The following LRP6 variants were observed in gnomAD, a reference collection of about 807,000 sequenced individuals.
The protein encoded by LRP6 is low-density lipoprotein receptor-related protein 6.
In LRP6, 43 loss-of-function variants were observed where a neutral mutation model predicts 184.1. The ratio of observed to expected loss-of-function variants is 0.23; its 90% CI spans 0.18 to 0.30. LRP6 has a LOEUF of 0.30. LRP6 is among the 10% of genes least tolerant of loss of function. LRP6 has a pLI of 1.00. For synonymous variants in LRP6, 719 were observed against 684.9 expected (o/e 1.05, Z -0.78); for missense variants, 1,571 against 2,005.3 (o/e 0.78, Z 4.14).
chr12:12,175,434 A>G (rs1222305791), intron 7 of LRP6, among the ~76,000 whole-genome samples: 1 of 151,108 alleles, frequency 6.6e-6, no homozygotes, highest in African/African-American at 2.4e-5. Context: ...TCATGCCTGT[A>G]ATCCCAGGGC....
chr12:12,143,103 T>G (rs917592613), intron 15 of LRP6, among the ~76,000 whole-genome samples: 1 of 152,144 alleles, frequency 6.6e-6, no homozygotes, highest in Non-Finnish European at 1.5e-5. Context: ...AAAAAGAAAT[T>G]GTATTTCCAT....
chr12:12,250,857 A>G (rs1865307946), intron 1 of LRP6, among the ~76,000 whole-genome samples: 1 of 151,758 alleles, frequency 6.6e-6, no homozygotes, highest in African/African-American at 2.4e-5. Context: ...CCTAACTTCA[A>G]ATGATCCACC....
rs1202295076 is a variant in LRP6 at position 12,124,748 on chromosome 12, TA to T, written c.4450-87del. 8.4e-6 allele frequency: 7 copies of T among 830,472 alleles called. No homozygotes were observed. In the African/African-American group the frequency reaches 1.2e-4, roughly 14 times the overall value. The allele number at this position is 830,472 out of a possible 1,614,324, so 51.4% of individuals were successfully genotyped here. On this transcript the variant is annotated intron_variant, in intron 21 of 22. Transcript: ENST00000261349. ...TCAACTTTTCTTCCTTCATCTCTAT[TA>T]GTGTTTCTTTACAATACACTATTAG...
chr12:12,263,467 C>T (rs1022042224), intron 1 of LRP6, among the ~76,000 whole-genome samples: 2 of 150,590 alleles, frequency 1.3e-5, no homozygotes, highest in Admixed American at 6.7e-5. Context: ...AGGAGAAAGG[C>T]GTGAACCCGG....
intron 3 of LRP6, among the ~76,000 whole-genome samples, chr12:12,196,601 T>C (rs1227057197): frequency 6.6e-6 from 1 of 152,120 alleles, no homozygotes; most frequent in African/African-American, 2.4e-5. Context: ...TTTTTTTTTT[T>C]TGGTAGAGCG....
chr12:12,147,028 T>C (rs1720628254), intron 15 of LRP6, among the ~76,000 whole-genome samples: 1 of 152,084 alleles, frequency 6.6e-6, no homozygotes, highest in Non-Finnish European at 1.5e-5. Flanking sequence ...GGCAGGTGCC[T>C]GTAGTCCCAG....
chr12:12,231,187 A>C (rs1429586979), intron 2 of LRP6, among the ~76,000 whole-genome samples: 2 of 147,406 alleles, frequency 1.4e-5, no homozygotes, highest in Admixed American at 6.7e-5. Flanking sequence ...TCTCAAAAAA[A>C]AAAAAAAAAA....
chr12:12,199,366 T>C (rs1311489330), intron 3 of LRP6, among the ~76,000 whole-genome samples: 26 of 152,198 alleles, frequency 1.7e-4, no homozygotes, highest in Non-Finnish European at 2.9e-5. Flanking sequence ...GGCAGGAACT[T>C]TGAAGTGAAA....
chr12:12,125,782 A>G (rs1949664339), intron 20 of LRP6, among the ~76,000 whole-genome samples: 1 of 152,234 alleles, frequency 6.6e-6, no homozygotes, highest in Admixed American at 6.5e-5. Context: ...CATATTAAAT[A>G]CCAGACTTGC....
chr12:12,176,608 G>C (rs374475702), intron 7 of LRP6, among the ~76,000 whole-genome samples: 1 of 152,024 alleles, frequency 6.6e-6, no homozygotes. Flanking sequence ...CCCTAATGTA[G>C]CCAGCATCTG....
intron 9 of LRP6, among the ~76,000 whole-genome samples, chr12:12,163,101 G>A (rs1027088723): frequency 1.6e-4 from 24 of 151,878 alleles, no homozygotes; most frequent in African/African-American, 5.8e-4. Flanking sequence ...TCAGTTTCCC[G>A]AGTAGCTGGG....
At chr12:12,236,166 G>A (rs1236718604) in intron 2 of LRP6, among the ~76,000 whole-genome samples, 2 of 152,104 alleles carry the variant, frequency 1.3e-5, no homozygotes, top group Admixed American at 6.5e-5. Context: ...GGCGGAGCTT[G>A]CAGTGAGCCA....
At chr12:12,244,175 T>G in intron 2 of LRP6, 87 bp downstream of exon 2, 1 of 1,345,614 alleles carries the variant, frequency 7.4e-7, no homozygotes, top group Non-Finnish European at 1.1e-6. Flanking sequence ...CGATCTTTCT[T>G]TTCTCATAGG....
intron 2 of LRP6, chr12:12,210,908 C>T (rs1015766135): frequency 1.3e-5 from 2 of 152,162 alleles, no homozygotes; most frequent in African/African-American, 2.4e-5. Flanking sequence ...GTAGATTAGG[C>T]TTTAAGTGAA....
At chr12:12,219,656 A>G (rs999364896) in intron 2 of LRP6, among the ~76,000 whole-genome samples, 1 of 152,248 alleles carries the variant, frequency 6.6e-6, no homozygotes, top group Non-Finnish European at 1.5e-5. Context: ...TTTCATGGAT[A>G]TATGGCACTG....
At position 12,159,119 on chromosome 12, in the gene LRP6, T is replaced by A; in HGVS notation, c.2501A>T (p.His834Leu). ...TTGGTACTGAGTTAAGCCAAAAGGA[T>A]GAGGCAAGTCATCTGCTATAACTTC... ...NREVIADDLP[H>L]PFGLTQYQDY... The change falls in exon 12 of 23, where the codon CAT becomes CTT. Residue 834 changes from histidine (H) to leucine (L), a missense_variant. By Grantham distance (99) the His-to-Leu change is moderately conservative (BLOSUM62 -3). Coordinates refer to ENST00000261349, the MANE Select transcript of LRP6 (RefSeq NM_002336.3). The A allele has an allele frequency of 6.2e-7, 1 of 1,614,048 alleles. No individual in the cohort carries two copies. Among genetic ancestry groups the A allele is most frequent in the Non-Finnish European group, 8.5e-7 (1 of 1,180,014 alleles).
chr12:12,260,898 T>C (rs765447411), intron 1 of LRP6, among the ~76,000 whole-genome samples: 4 of 152,206 alleles, frequency 2.6e-5, no homozygotes, highest in Non-Finnish European at 5.9e-5. Context: ...CTCAGAGTAG[T>C]TACCCATGGC....
At chr12:12,192,912 C>T (rs1302653045) in intron 3 of LRP6, among the ~76,000 whole-genome samples, 1 of 152,034 alleles carries the variant, frequency 6.6e-6, no homozygotes, top group East Asian at 1.9e-4. Context: ...ACATTCCATG[C>T]AACAAAAGAA....
intron 16 of LRP6, among the ~76,000 whole-genome samples, chr12:12,137,963 G>T (rs949449204): frequency 6.6e-6 from 1 of 151,348 alleles, no homozygotes; most frequent in African/African-American, 2.4e-5. Context: ...AGAAGTTCGA[G>T]ATCAGCCTGG....
Sources: gnomAD v4.1 joint callset for allele counts (sites outside exome capture counted in the v4.1 genomes callset) on GRCh38, gnomAD v4.1.1 for gene constraint, MANE v1.5 for transcripts, NCBI Gene and HGNC (gene_info 2026-07-23, HGNC 2026-07-21) for gene names.